DDX10: variants seen among roughly 807,000 people sequenced by gnomAD.
DDX10 encodes the protein probable ATP-dependent RNA helicase DDX10.
In DDX10, 74 loss-of-function variants were observed where a neutral mutation model predicts 104.3. That is an observed-to-expected ratio of 0.71 (90% CI 0.59 to 0.86). DDX10 has a LOEUF of 0.86. Ranked by LOEUF, DDX10 falls within the 40% of genes least tolerant of loss-of-function variation. DDX10 has a pLI of 0.00. For synonymous variants in DDX10, 351 were observed against 353.4 expected (o/e 0.99, Z 0.08); for missense variants, 952 against 1,040.0 (o/e 0.92, Z 1.16).
chr11:108,686,410 C>A (rs930785857), intron 6 of DDX10, among the ~76,000 whole-genome samples: 1 of 152,206 alleles, frequency 6.6e-6, no homozygotes, highest in Non-Finnish European at 1.5e-5. Flanking sequence ...TTATTCATCT[C>A]CCCTGGCAGC....
rs193020061 is a variant in DDX10, at chr11:108,940,756, G to T, written c.*333G>T. ...CAAGTTCTGGAGCTCTTGTGTCATTGTTAGAAATCCCTGTCTTGCTTACTG... is the reference window on the plus strand; with the variant it reads ...CAAGTTCTGGAGCTCTTGTGTCATTTTTAGAAATCCCTGTCTTGCTTACTG... On this transcript the variant is annotated 3_prime_UTR_variant, in exon 18 of 18. Coordinates refer to ENST00000322536, the MANE Select transcript of DDX10 (RefSeq NM_004398.4). The T allele has an allele frequency of 6.3e-5, 16 of 252,314 alleles. No individual in the cohort carries two copies. The East Asian group carries it at 9.3e-4, about 15-fold the overall frequency. The allele number at this position is 252,314 out of a possible 1,614,324, so 15.6% of individuals were successfully genotyped here.
chr11:108,835,614 C>T (rs1318320895), intron 13 of DDX10, among the ~76,000 whole-genome samples: 1 of 152,214 alleles, frequency 6.6e-6, no homozygotes, highest in East Asian at 1.9e-4. Flanking sequence ...AAGCACTCCA[C>T]AGGGTGGAAG....
chr11:108,932,444 C>T (rs1322020264), intron 17 of DDX10, among the ~76,000 whole-genome samples: 1 of 151,868 alleles, frequency 6.6e-6, no homozygotes, highest in East Asian at 1.9e-4. Flanking sequence ...CATAGCAAGA[C>T]CCCCATCTCT....
intron 1 of DDX10, among the ~76,000 whole-genome samples, chr11:108,671,012 T>A (rs1475852720): frequency 6.6e-6 from 1 of 152,160 alleles, no homozygotes; most frequent in African/African-American, 2.4e-5. Flanking sequence ...TTTCAACTTT[T>A]CCAACAGCCG....
chr11:108,938,545 G>A (rs1864064282), intron 17 of DDX10, among the ~76,000 whole-genome samples: 1 of 152,152 alleles, frequency 6.6e-6, no homozygotes, highest in Non-Finnish European at 1.5e-5. Flanking sequence ...CACAGGACTG[G>A]CCATACTCAT....
intron 13 of DDX10, among the ~76,000 whole-genome samples, chr11:108,728,606 C>T (rs1353733216): frequency 6.6e-6 from 1 of 150,862 alleles, no homozygotes; most frequent in Admixed American, 6.6e-5. Context: ...CCCCAAACTC[C>T]CAGGCCCAAG....
chr11:108,709,804 C>T (rs2094281673), intron 10 of DDX10, among the ~76,000 whole-genome samples: 1 of 151,614 alleles, frequency 6.6e-6, no homozygotes, highest in Admixed American at 6.6e-5. Flanking sequence ...CTTATTTATT[C>T]TGCTTGCTTT....
intron 16 of DDX10, among the ~76,000 whole-genome samples, chr11:108,915,447 G>GTTTTTTTTTTTTTT (rs34587206): frequency 1.4e-5 from 2 of 141,626 alleles, no homozygotes; most frequent in African/African-American, 5.5e-5. Context: ...TTTTTTTTTG[G>GTTTTTTTTTTTTTT]TTTTTTTTTT....
intron 17 of DDX10, among the ~76,000 whole-genome samples, chr11:108,924,789 C>G (rs955065363): frequency 6.6e-6 from 1 of 152,168 alleles, no homozygotes; most frequent in Admixed American, 6.5e-5. Context: ...AAACAATGTT[C>G]TCAGAAGCCA....
chr11:108,892,915 C>CA (rs1490189664), intron 16 of DDX10, among the ~76,000 whole-genome samples: 4 of 152,288 alleles, frequency 2.6e-5, no homozygotes, highest in Admixed American at 2.0e-4. Context: ...CTCTACTAAA[C>CA]AACCCCTGTT....
chr11:108,940,168 C>T (rs560239195), intron 17 of DDX10, 78 bp from the exon 18 acceptor site: 2 of 1,422,414 alleles, frequency 1.4e-6, no homozygotes, highest in Non-Finnish European at 1.9e-6. Context: ...TTTACCAACT[C>T]TCTGTTAATT....
chr11:108,687,954 A>T (rs569604409), intron 6 of DDX10, among the ~76,000 whole-genome samples: 1 of 152,184 alleles, frequency 6.6e-6, no homozygotes, highest in Non-Finnish European at 1.5e-5. Context: ...GCCCCCTGAT[A>T]AATAGTACCA....
intron 13 of DDX10, among the ~76,000 whole-genome samples, chr11:108,795,240 C>CAGCT (rs1861924257): frequency 6.8e-6 from 1 of 147,784 alleles, no homozygotes; most frequent in Admixed American, 6.7e-5. Flanking sequence ...GTTAGTGTAG[C>CAGCT]AGCATTTTTT....
chr11:108,884,260 G>A (rs1485242624), intron 16 of DDX10, among the ~76,000 whole-genome samples: 1 of 152,074 alleles, frequency 6.6e-6, no homozygotes, highest in Non-Finnish European at 1.5e-5. Context: ...CATGGTATAT[G>A]CCATCATTAC....
rs986937174 is a variant in DDX10, at chr11:108,742,275, C to CA, written c.1965+18823dup. On this transcript the variant is annotated intron_variant, in intron 13 of 17. Coordinates refer to ENST00000322536, the MANE Select transcript of DDX10 (RefSeq NM_004398.4). ...ACTCTGTCTCAAAAACAAAACAAAA[C>CA]AAAAAAAAAACCCTGGGCATGGTGG... is the stretch of plus-strand genomic sequence containing the variant. 2.8e-3 allele frequency among the ~76,000 whole-genome samples: 340 copies of CA among 123,344 alleles called. 1 individual carries two copies. Among genetic ancestry groups the CA allele is most frequent in the African/African-American group, 4.4e-3 (147 of 33,228 alleles). 80.9% of individuals were successfully genotyped at this position (123,344 alleles called of 152,430 possible). A position where few individuals can be genotyped will look rare whatever the true frequency, so the allele number is the denominator to read the frequency against.
At chr11:108,783,181 G>A (rs1861732406) in intron 13 of DDX10, among the ~76,000 whole-genome samples, 1 of 152,056 alleles carries the variant, frequency 6.6e-6, no homozygotes, top group Non-Finnish European at 1.5e-5. Flanking sequence ...TAGACTGTGA[G>A]CTTTTTAAAG....
chr11:108,882,779 A>G (rs372845309), intron 16 of DDX10, among the ~76,000 whole-genome samples: 5 of 152,312 alleles, frequency 3.3e-5, no homozygotes, highest in African/African-American at 1.2e-4. Context: ...GTAATGTGCA[A>G]AAATGCTCTT....
At chr11:108,849,921 C>A (rs1438189299) in intron 15 of DDX10, among the ~76,000 whole-genome samples, 2 of 151,978 alleles carry the variant, frequency 1.3e-5, no homozygotes, top group South Asian at 2.1e-4. Context: ...TTTTCCTACT[C>A]CCACAAAGAA....
At chr11:108,707,095 A>G (rs950932685) in intron 10 of DDX10, among the ~76,000 whole-genome samples, 1 of 152,004 alleles carries the variant, frequency 6.6e-6, no homozygotes, top group Non-Finnish European at 1.5e-5. Flanking sequence ...ATCTGCTACA[A>G]TTGATGAACC....
Sources: gnomAD v4.1 joint callset for allele counts (sites outside exome capture counted in the v4.1 genomes callset) on GRCh38, gnomAD v4.1.1 for gene constraint, MANE v1.5 for transcripts, NCBI Gene and HGNC (gene_info 2026-07-23, HGNC 2026-07-21) for gene names.